Variants in RBPJ observed in about 807,000 individuals in gnomAD.
The protein encoded by RBPJ is recombination signal binding protein for immunoglobulin kappa J region, also known as recombining binding protein suppressor of hairless.
In RBPJ, 9 loss-of-function variants were observed where a neutral mutation model predicts 67.8. That is an observed-to-expected ratio of 0.13 (90% CI 0.08 to 0.23). The LOEUF (loss-of-function observed/expected upper bound fraction) is 0.23, where lower values mean the gene tolerates loss of function less well. RBPJ is among the 10% of genes least tolerant of loss of function. The pLI is 1.00. For missense variants in RBPJ, 305 were observed against 595.6 expected, an observed-to-expected ratio of 0.51 and a Z score of 5.08; for synonymous variants, 198 against 203.3, an observed-to-expected ratio of 0.97 and a Z score of 0.22.
chr4:26,144,267 C>CTT, the RBPJ span, among the ~76,000 whole-genome samples: 1,867 of 105,978 alleles, frequency 0.018, 53 homozygotes, highest in South Asian at 0.035. Flanking sequence ...TAAGAAAATT[C>CTT]TTTTTTTTTT....
chr4:26,320,711 G>T (rs200809018), upstream of RBPJ: 56 of 1,542,072 alleles, frequency 3.6e-5, no homozygotes, highest in Non-Finnish European at 4.6e-5. Flanking sequence ...CTCCACGTAC[G>T]TCCCTCAAAG....
chr4:26,359,413 ATTTTT>A (rs56112785), intron 1 of RBPJ, among the ~76,000 whole-genome samples: 1 of 129,078 alleles, frequency 7.7e-6, no homozygotes, highest in Non-Finnish European at 1.6e-5. Context: ...TAACACCTTC[ATTTTT>A]TTTTTTTTTT....
intron 1 of RBPJ, among the ~76,000 whole-genome samples, chr4:26,268,569 C>T (rs759249131): frequency 6.6e-6 from 1 of 152,162 alleles, no homozygotes; most frequent in Non-Finnish European, 1.5e-5. Flanking sequence ...TAAAAGCACA[C>T]GCATTATTTG....
intron 1 of RBPJ, among the ~76,000 whole-genome samples, chr4:26,210,827 C>CTT (rs2109171328): frequency 7.9e-6 from 1 of 126,886 alleles, no homozygotes; most frequent in African/African-American, 3.0e-5. Flanking sequence ...GTGTGTCTGG[C>CTT]TCTTTTATTG....
chr4:26,184,253 G>A (rs111970548), intron 1 of RBPJ, among the ~76,000 whole-genome samples: 2,158 of 152,056 alleles, frequency 0.014, 58 homozygotes, highest in African/African-American at 0.048. Flanking sequence ...ACTATTCAAG[G>A]TGGACTATTC....
At chr4:26,410,106 A>G in intron 3 of RBPJ, 1 of 452,062 alleles carries the variant, frequency 2.2e-6, no homozygotes, top group African/African-American at 2.0e-5. Flanking sequence ...ACTGCCCTGG[A>G]TTCAGAGAAG....
chr4:26,369,848 C>T (rs1577542718), intron 1 of RBPJ, among the ~76,000 whole-genome samples: 1 of 152,080 alleles, frequency 6.6e-6, no homozygotes, highest in East Asian at 1.9e-4. Context: ...TGCTTTCCTC[C>T]CTCTCTCTTC....
chr4:26,167,031 T>A (rs1303904068), intron 1 of RBPJ, among the ~76,000 whole-genome samples: 1 of 152,208 alleles, frequency 6.6e-6, no homozygotes, highest in Admixed American at 6.5e-5. Flanking sequence ...GTTGTAGATA[T>A]GTGGCATTAT....
the RBPJ span, among the ~76,000 whole-genome samples, chr4:26,148,971 G>T: frequency 1.5e-3 from 227 of 152,342 alleles, 1 homozygote; most frequent in Non-Finnish European, 2.4e-3. Context: ...GTAAGTAGCA[G>T]AAGTGTTTCT....
intron 1 of RBPJ, among the ~76,000 whole-genome samples, chr4:26,242,869 A>C (rs1719695791): frequency 6.6e-6 from 1 of 152,200 alleles, no homozygotes; most frequent in Non-Finnish European, 1.5e-5. Flanking sequence ...CGTGTGCTGC[A>C]TGCTGAAATA....
the RBPJ span, among the ~76,000 whole-genome samples, chr4:26,153,783 G>A: frequency 3.9e-5 from 6 of 152,248 alleles, no homozygotes; most frequent in East Asian, 1.2e-3. Context: ...GTGCACCTGT[G>A]TTTTGACTGC....
chr4:26,111,354 A>G, the RBPJ span, among the ~76,000 whole-genome samples: 1 of 152,040 alleles, frequency 6.6e-6, no homozygotes, highest in Non-Finnish European at 1.5e-5. Flanking sequence ...TCCCTTCCCT[A>G]TCTCTATATA....
upstream of RBPJ, among the ~76,000 whole-genome samples, chr4:26,158,945 TTC>T (rs5856933): frequency 0.06 from 8,135 of 136,710 alleles, 287 homozygotes; most frequent in African/African-American, 0.11. Context: ...CTCTCTCTCT[TTC>T]TCTCTCTCTC....
chr4:26,368,957 A>G (rs916319347), intron 1 of RBPJ, among the ~76,000 whole-genome samples: 1 of 152,246 alleles, frequency 6.6e-6, no homozygotes, highest in South Asian at 2.1e-4. Flanking sequence ...TAGGGAGCCA[A>G]TTTTCAATCC....
intron 1 of RBPJ, among the ~76,000 whole-genome samples, chr4:26,302,392 A>T (rs1039010972): frequency 6.6e-6 from 1 of 152,188 alleles, no homozygotes; most frequent in Non-Finnish European, 1.5e-5. Context: ...TACATTTGAA[A>T]ACAAGGAATT....
At chr4:26,342,425 C>G (rs552431553) in intron 1 of RBPJ, among the ~76,000 whole-genome samples, 1 of 152,292 alleles carries the variant, frequency 6.6e-6, no homozygotes, top group African/African-American at 2.4e-5. Flanking sequence ...GAATTCAAAC[C>G]TGTATCTCCA....
At chr4:26,317,319 T>C (rs1722686694), upstream of RBPJ, among the ~76,000 whole-genome samples, 1 of 151,732 alleles carries the variant, frequency 6.6e-6, no homozygotes, top group Admixed American at 6.6e-5. Context: ...ATAAGGTATA[T>C]GAGGGAAGAG....
intron 1 of RBPJ, among the ~76,000 whole-genome samples, chr4:26,302,539 C>T (rs762323495): frequency 1.6e-4 from 25 of 152,148 alleles, no homozygotes; most frequent in Non-Finnish European, 2.8e-4. Flanking sequence ...GTCTCCCCAG[C>T]GTTGGGGTCC....
chr4:26,362,086 A>T (rs192039559), intron 1 of RBPJ, among the ~76,000 whole-genome samples: 23 of 152,332 alleles, frequency 1.5e-4, no homozygotes, highest in African/African-American at 4.8e-4. Flanking sequence ...TTCCTTTTAG[A>T]CAGGTGTACA....
Sources: allele counts gnomAD v4.1 joint callset (sites outside exome capture counted in the v4.1 genomes callset), GRCh38; gene constraint gnomAD v4.1.1; transcripts MANE v1.5; gene names NCBI Gene and HGNC (gene_info 2026-07-23, HGNC 2026-07-21).